The following RGS22 variants were observed in gnomAD, a reference collection of about 807,000 sequenced individuals.
RGS22 encodes the protein regulator of G-protein signaling 22.
Under a neutral mutation model 172.9 loss-of-function variants are expected in RGS22, and 148 were observed. The ratio of observed to expected loss-of-function variants is 0.86; its 90% CI spans 0.75 to 0.98. RGS22 has a LOEUF of 0.98. Among genes scored for constraint, RGS22 ranks in the 50% least tolerant of loss-of-function variants. The probability of loss-of-function intolerance (pLI) is 0.00; values close to 1 mark genes in which losing one functional copy is unlikely to be tolerated. For synonymous variants in RGS22, 458 were observed against 480.2 expected, an observed-to-expected ratio of 0.95 and a Z score of 0.60; for missense variants, 1,347 against 1,440.8, an observed-to-expected ratio of 0.93 and a Z score of 1.05.
chr8:99,965,548 TAAGGTTTCATCAA>T, intron 23 of RGS22, 118 bp from the exon 24 acceptor site: 1 of 658,840 alleles, frequency 1.5e-6, no homozygotes, highest in Admixed American at 2.6e-5. Context: ...GTGCTGCACT[TAAGGTTTCATCAA>T]GTCAATATCA....
At chr8:99,963,068 T>A in intron 24 of RGS22, 90 bp from the exon 25 acceptor site, 2 of 1,019,452 alleles carry the variant, frequency 2.0e-6, no homozygotes, top group Non-Finnish European at 2.8e-6. Flanking sequence ...CCTCTTCATT[T>A]AAATTTTTAT....
At chr8:100,002,467 T>C (rs950606721) in intron 17 of RGS22, 103 bp from the exon 18 acceptor site, 29 of 1,060,976 alleles carry the variant, frequency 2.7e-5, no homozygotes, top group Non-Finnish European at 3.5e-5. Context: ...AGTGGCTATC[T>C]TGACTAGTAG....
intron 14 of RGS22, among the ~76,000 whole-genome samples, chr8:100,033,854 T>A (rs1415826312): frequency 1.3e-5 from 2 of 151,736 alleles, no homozygotes; most frequent in Non-Finnish European, 2.9e-5. Flanking sequence ...ACAGAAACAA[T>A]CACAAAAACC....
At chr8:100,098,260 T>C (rs773256176) in intron 2 of RGS22, among the ~76,000 whole-genome samples, 2 of 152,212 alleles carry the variant, frequency 1.3e-5, no homozygotes, top group Non-Finnish European at 2.9e-5. Context: ...GTTTAGAACA[T>C]TTTTACTGAA....
intron 22 of RGS22, among the ~76,000 whole-genome samples, chr8:99,979,976 C>T (rs1812375331): frequency 6.6e-6 from 1 of 152,138 alleles, no homozygotes; most frequent in Admixed American, 6.6e-5. Flanking sequence ...ACTTATGAAA[C>T]TACAATTATT....
At chr8:99,981,803 C>A in intron 22 of RGS22, 134 bp downstream of exon 22, 8 of 488,582 alleles carry the variant, frequency 1.6e-5, no homozygotes, top group East Asian at 9.8e-5. Flanking sequence ...CTCAAACAAT[C>A]TGCCTGCCTC....
intron 14 of RGS22, among the ~76,000 whole-genome samples, chr8:100,023,499 T>TCATA (rs1184168980): frequency 3.3e-5 from 5 of 152,208 alleles, no homozygotes; most frequent in Admixed American, 3.3e-4. Context: ...ACTGGTGCAC[T>TCATA]CATAGCTCAC....
intron 2 of RGS22, among the ~76,000 whole-genome samples, chr8:100,098,592 T>A (rs984872975): frequency 1.4e-4 from 21 of 152,158 alleles, no homozygotes; most frequent in African/African-American, 5.1e-4. Context: ...GGAGCAAAAG[T>A]ATGGACTCTG....
chr8:100,025,036 A>G (rs1818029008), intron 14 of RGS22, among the ~76,000 whole-genome samples: 1 of 151,702 alleles, frequency 6.6e-6, no homozygotes, highest in Admixed American at 6.6e-5. Context: ...AAATAAATAA[A>G]TGAGGATCTT....
chr8:99,967,278 C>T (rs1288699883), intron 23 of RGS22, among the ~76,000 whole-genome samples: 1 of 152,042 alleles, frequency 6.6e-6, no homozygotes, highest in African/African-American at 2.4e-5. Flanking sequence ...CCCTGGGTTT[C>T]AAGCACAAAA....
chr8:100,011,978 A>C (rs929531501), intron 14 of RGS22, among the ~76,000 whole-genome samples: 1 of 152,136 alleles, frequency 6.6e-6, no homozygotes, highest in Non-Finnish European at 1.5e-5. Context: ...ATAGTAAAAG[A>C]ACCTGAGAAA....
intron 14 of RGS22, among the ~76,000 whole-genome samples, chr8:100,029,718 A>AG (rs1414088789): frequency 2.0e-5 from 3 of 150,804 alleles, no homozygotes; most frequent in Non-Finnish European, 3.0e-5. Flanking sequence ...AAAAAAAAAA[A>AG]AAAAAGAAAA....
At chr8:100,034,218 A>G (rs1819181515) in intron 14 of RGS22, among the ~76,000 whole-genome samples, 2 of 152,194 alleles carry the variant, frequency 1.3e-5, no homozygotes, top group South Asian at 2.1e-4. Context: ...AGAAAACCCC[A>G]TCATCTCAGC....
chr8:99,992,358 T>C (rs1411477014), intron 20 of RGS22, among the ~76,000 whole-genome samples: 2 of 152,140 alleles, frequency 1.3e-5, no homozygotes, highest in African/African-American at 4.8e-5. Flanking sequence ...CAGTGTGCTG[T>C]ATTCAGGAGA....
chr8:100,057,737 T>C (rs1173362945), intron 9 of RGS22, among the ~76,000 whole-genome samples: 7 of 152,170 alleles, frequency 4.6e-5, no homozygotes, highest in African/African-American at 1.7e-4. Context: ...CTTTCCTTTA[T>C]ATATTACTCA....
intron 23 of RGS22, among the ~76,000 whole-genome samples, chr8:99,972,487 T>G (rs927155381): frequency 2.0e-5 from 3 of 152,176 alleles, no homozygotes; most frequent in Non-Finnish European, 4.4e-5. Flanking sequence ...GGAGAAAGTT[T>G]ATGCAATCTA....
chr8:99,963,730 A>G (rs180849357), intron 24 of RGS22, among the ~76,000 whole-genome samples: 107 of 152,316 alleles, frequency 7.0e-4, no homozygotes, highest in African/African-American at 2.2e-3. Context: ...TTCGAAGTAT[A>G]TGAGAGGATG....
At chr8:100,096,833 T>C (rs1291651127) in intron 2 of RGS22, among the ~76,000 whole-genome samples, 2 of 150,880 alleles carry the variant, frequency 1.3e-5, no homozygotes, top group Non-Finnish European at 3.0e-5. Context: ...CTCTAAAAGA[T>C]GCAAGATATA....
At chr8:99,964,532 T>A (rs1176729593) in intron 24 of RGS22, among the ~76,000 whole-genome samples, 1 of 150,220 alleles carries the variant, frequency 6.7e-6, no homozygotes, top group African/African-American at 2.5e-5. Flanking sequence ...TGGACCCTGA[T>A]ATCTCTAACT....
Sources: allele counts gnomAD v4.1 joint callset (sites outside exome capture counted in the v4.1 genomes callset), GRCh38; gene constraint gnomAD v4.1.1; transcripts MANE v1.5; gene names NCBI Gene and HGNC (gene_info 2026-07-23, HGNC 2026-07-21).